The following TGM3 variants were observed in gnomAD, a reference collection of about 807,000 sequenced individuals.
TGM3 encodes the protein transglutaminase 3.
Under a neutral mutation model 73.8 loss-of-function variants are expected in TGM3, and 52 were observed. The ratio of observed to expected loss-of-function variants is 0.70; its 90% CI spans 0.56 to 0.89. The LOEUF (loss-of-function observed/expected upper bound fraction) is 0.89. Ranked by LOEUF, TGM3 falls within the 40% of genes least tolerant of loss-of-function variation. The pLI is 0.00. For synonymous variants in TGM3, 372 were observed against 354.9 expected (o/e 1.05, Z -0.54); for missense variants, 928 against 909.9 (o/e 1.02, Z -0.26).
chr20:2,311,098 G>A lies in TGM3; in HGVS notation c.509G>A (p.Arg170Gln), dbSNP rs556533732. Residue 170 changes from arginine (R) to glutamine (Q), a missense_variant, in exon 4 of 13, where the codon CGA becomes CAA. Coordinates refer to ENST00000381458, the MANE Select transcript of TGM3 (RefSeq NM_003245.4). ...ATCATCTTTGTGGGAAGCACAAACC[G>A]AATTGGCATGATTGGCTGGAACTTT... ...AGIIFVGSTN[R>Q]IGMIGWNFGQ... is the part of the protein sequence containing the mutation. 6.8e-6 allele frequency: 11 copies of A among 1,614,108 alleles called. No homozygotes were observed. Among genetic ancestry groups the A allele is most frequent in the South Asian group, 3.3e-5 (3 of 91,076 alleles).
At position 2,334,869 on chromosome 20, in the gene TGM3, G is replaced by A. The variant is rs2084339996; in HGVS notation, c.1643-247G>A. On this transcript the variant is annotated intron_variant, in intron 10 of 12. Transcript: ENST00000381458. This position sits in a 1 kb window ranked among gnomAD's most constrained non-coding sequence, Gnocchi z 4.0. ...GGAAGCAGCGGTATCTTTAGCCCCT[G>A]TGAGCCCATCCTCCTGGGAATCTGC... Among the ~76,000 whole-genome samples the A allele has an allele frequency of 6.6e-6, 1 of 152,228 alleles. No homozygotes were observed. The highest frequency in any genetic ancestry group is 2.4e-5 in the African/African-American group (1 of 41,470).
chr20:2,310,443 C>G, intron 3 of TGM3, 26 bp downstream of exon 3: 1 of 1,610,664 alleles, frequency 6.2e-7, no homozygotes, highest in African/African-American at 1.3e-5. Context: ...CCCACACTCT[C>G]AGCCCTGGCC....
At chr20:2,313,183 A>G (rs2084216154) in intron 5 of TGM3, among the ~76,000 whole-genome samples, 157 bp downstream of exon 5, 1 of 152,214 alleles carries the variant, frequency 6.6e-6, no homozygotes, top group Admixed American at 6.5e-5. Flanking sequence ...CTTGGAGCAC[A>G]AGGCCCCTCT....
chr20:2,333,042 A>G (rs2084329622), intron 10 of TGM3, among the ~76,000 whole-genome samples: 1 of 152,238 alleles, frequency 6.6e-6, no homozygotes, highest in Non-Finnish European at 1.5e-5. Flanking sequence ...GGTGGAGCAG[A>G]TAAAGGTTGT....
At chr20:2,321,771 C>T (rs2084264137) in intron 7 of TGM3, among the ~76,000 whole-genome samples, 1 of 152,082 alleles carries the variant, frequency 6.6e-6, no homozygotes, top group Admixed American at 6.6e-5. Context: ...AACCAGAAAC[C>T]CACACCGGAA....
rs1258371128 is a variant in TGM3, at chr20:2,317,214, G to A, written c.816G>A (p.Gln272=). The change falls in exon 6 of 13, where the codon CAG becomes CAA. Residue 272 remains glutamine (Q), a synonymous_variant. Coordinates refer to ENST00000381458, the MANE Select transcript of TGM3 (RefSeq NM_003245.4). ...GCTTCAGCCCAGTCCGATATGGCCA[G>A]TGCTGGGTCTTTGCTGGGACCCTCA... ...KSGFSPVRYG[Q]CWVFAGTLNT... 6.2e-7 allele frequency: 1 copy of A among 1,614,228 alleles called. No individual in the cohort carries two copies.
intron 1 of TGM3, among the ~76,000 whole-genome samples, chr20:2,296,703 G>A (rs2084110328): frequency 6.6e-6 from 1 of 152,074 alleles, no homozygotes; most frequent in Non-Finnish European, 1.5e-5. Flanking sequence ...CCACAGGAGA[G>A]CACCAGGGAA....
chr20:2,298,998 T>C (rs1294516086), intron 1 of TGM3, among the ~76,000 whole-genome samples: 1 of 152,116 alleles, frequency 6.6e-6, no homozygotes, highest in African/African-American at 2.4e-5. Context: ...CCACCGGGAA[T>C]GACAGCTGCC....
chr20:2,299,741 A>G (rs1476544990), intron 1 of TGM3, among the ~76,000 whole-genome samples: 2 of 152,132 alleles, frequency 1.3e-5, no homozygotes, highest in African/African-American at 4.8e-5. Flanking sequence ...TGTAGATGAT[A>G]AACGGGCCTA....
chr20:2,302,714 TA>T (rs56347560), intron 1 of TGM3, among the ~76,000 whole-genome samples: 4,164 of 105,278 alleles, frequency 0.04, 275 homozygotes, highest in African/African-American at 0.12. Context: ...AGAGGTTTTC[TA>T]AAAAAAAAAA....
In TGM3 at chr20:2,328,719, G is replaced by C. The variant is rs955447306; in HGVS notation, c.1333+354G>C. 6.6e-6 allele frequency among the ~76,000 whole-genome samples: 1 copy of C among 152,246 alleles called. No homozygotes were observed. Among genetic ancestry groups the C allele is most frequent in the African/African-American group, 2.4e-5 (1 of 41,464 alleles). On this transcript the variant is annotated intron_variant, in intron 9 of 12. Transcript: ENST00000381458. This position sits in a 1 kb window ranked among gnomAD's most constrained non-coding sequence, Gnocchi z 5.2. ...CCCATGAAAGGCCCCCAAGGGCTTTGGGAGAGATTTCTCCATCAGTCTGCT... is the reference window on the plus strand; with the variant it reads ...CCCATGAAAGGCCCCCAAGGGCTTTCGGAGAGATTTCTCCATCAGTCTGCT...
intron 7 of TGM3, among the ~76,000 whole-genome samples, chr20:2,324,294 C>T (rs1293699821): frequency 2.0e-5 from 3 of 151,996 alleles, no homozygotes; most frequent in Non-Finnish European, 4.4e-5. Flanking sequence ...TCCTTTATTT[C>T]GTTGAGCCTC....
Position 2,328,235 on chromosome 20 carries a change from G to A in TGM3, c.1203G>A (p.Leu401=), listed in dbSNP as rs137939351. ...TTAATGCCGACCGCATCACCTGGCTGTACGACAACACCACTGGCAAACAGT... is the reference window on the plus strand; with the variant it reads ...TTAATGCCGACCGCATCACCTGGCTATACGACAACACCACTGGCAAACAGT... ...AEVNADRITW[L]YDNTTGKQWK... Residue 401 remains leucine, a synonymous_variant, in exon 9 of 13, where the codon CTG becomes CTA. Transcript: ENST00000381458. This position sits in a 1 kb window ranked among gnomAD's most constrained non-coding sequence, Gnocchi z 5.2. The A allele has an allele frequency of 9.7e-5, 157 of 1,614,074 alleles. No individual in the cohort carries two copies. The highest frequency in any genetic ancestry group is 8.3e-5 in the Admixed American group (5 of 60,004).
In TGM3 at chr20:2,332,888, TG is replaced by T. The variant is rs2122248792; in HGVS notation, c.1642+580del. Among the ~76,000 whole-genome samples the T allele has an allele frequency of 6.6e-6, 1 of 152,328 alleles. No homozygotes were observed. The highest frequency in any genetic ancestry group is 1.5e-5 in the Non-Finnish European group (1 of 68,038). ...GCAATGACCACGGGACCCTAAACCT[TG>T]GCCCATGGCCCTCCCACAGCTGCCA... On this transcript the variant is annotated intron_variant, in intron 10 of 12. Coordinates refer to ENST00000381458, the MANE Select transcript of TGM3 (RefSeq NM_003245.4). This position sits in a 1 kb window ranked among gnomAD's most constrained non-coding sequence, Gnocchi z 4.4.
At position 2,334,395 on chromosome 20, in the gene TGM3, G is replaced by A. The variant is rs182599158; in HGVS notation, c.1643-721G>A. On this transcript the variant is annotated intron_variant, in intron 10 of 12. Transcript: ENST00000381458. The surrounding 1 kb of genome is among the most constrained non-coding windows in gnomAD (Gnocchi z 4.0). ...GAAGAGTGATTTAGAAAACAAAACA[G>A]AACAAAACGAAAAACAGCTTTCCAA... Among the ~76,000 whole-genome samples the A allele has an allele frequency of 2.1e-3, 325 of 152,276 alleles. No homozygotes were observed. The highest frequency in any genetic ancestry group is 3.4e-3 in the Non-Finnish European group (230 of 68,018).
intron 1 of TGM3, among the ~76,000 whole-genome samples, chr20:2,299,237 C>T (rs946079049): frequency 5.9e-5 from 9 of 152,142 alleles, no homozygotes; most frequent in African/African-American, 2.2e-4. Context: ...TTTTCATGAG[C>T]CTGTTTTCTC....
intron 9 of TGM3, among the ~76,000 whole-genome samples, chr20:2,329,233 G>C (rs1289515904): frequency 6.6e-6 from 1 of 152,144 alleles, no homozygotes; most frequent in African/African-American, 2.4e-5. Context: ...TCCTCATAAA[G>C]GTGCACACAG....
At chr20:2,338,323 C>A (rs959583919) in intron 11 of TGM3, among the ~76,000 whole-genome samples, 3 of 151,326 alleles carry the variant, frequency 2.0e-5, no homozygotes, top group African/African-American at 7.3e-5. Context: ...AGAGTTGGGT[C>A]AATAGGAGAG....
Position 2,313,002 on chromosome 20 carries a change from C to A in TGM3, c.645C>A (p.Tyr215Ter). The change falls in exon 5 of 13, where the codon TAC becomes TAA. Residue 215 changes from tyrosine (Y) to a stop codon, truncating the protein, a stop_gained. Coordinates refer to ENST00000381458, the MANE Select transcript of TGM3 (RefSeq NM_003245.4). LOFTEE classifies it high-confidence loss of function. ...TGGCCAGCAGAAATGACCCCAAATACGTTGGCCGGGTGCTGAGTGCCATGG... is the reference window on the plus strand; with the variant it reads ...TGGCCAGCAGAAATGACCCCAAATAAGTTGGCCGGGTGCTGAGTGCCATGG... ...TDVASRNDPK[Y>*]VGRVLSAMIN... 1.2e-6 allele frequency: 2 copies of A among 1,614,176 alleles called. No individual in the cohort carries two copies. The highest frequency in any genetic ancestry group is 1.7e-6 in the Non-Finnish European group (2 of 1,180,028).
Sources: allele counts gnomAD v4.1 joint callset (sites outside exome capture counted in the v4.1 genomes callset), GRCh38; gene constraint gnomAD v4.1.1; non-coding constraint Gnocchi (gnomAD v3.1); transcripts MANE v1.5; gene names NCBI Gene and HGNC (gene_info 2026-07-23, HGNC 2026-07-21).